The following STK3 variants were observed in gnomAD, a reference collection of about 807,000 sequenced individuals.
STK3 encodes serine/threonine-protein kinase 3.
Under a neutral mutation model 58.0 loss-of-function variants are expected in STK3, and 41 were observed. The observed-to-expected ratio is 0.71, with a 90% CI of 0.55 to 0.92. The LOEUF is 0.92. STK3 is among the 40% of genes least tolerant of loss of function. The probability of loss-of-function intolerance (pLI) is 0.00; values close to 1 mark genes in which losing one functional copy is unlikely to be tolerated. For missense variants in STK3, 479 were observed against 602.7 expected, an observed-to-expected ratio of 0.79 and a Z score of 2.15; for synonymous variants, 170 against 191.0, an observed-to-expected ratio of 0.89 and a Z score of 0.91.
intron 4 of STK3, among the ~76,000 whole-genome samples, chr8:98,732,741 A>T (rs1828304912): frequency 6.6e-6 from 1 of 152,220 alleles, no homozygotes; most frequent in Non-Finnish European, 1.5e-5. Context: ...ATAAGTCCAC[A>T]TTAGAACAAG....
chr8:98,865,471 A>G (rs763773965), intron 3 of STK3, among the ~76,000 whole-genome samples: 7 of 151,928 alleles, frequency 4.6e-5, no homozygotes, highest in Non-Finnish European at 8.8e-5. Flanking sequence ...GGCTTAAGCA[A>G]TCCTCCTGCC....
In STK3 at chr8:98,751,038, G is replaced by A. The variant is rs117862312; in HGVS notation, c.237-1648C>T. On this transcript the variant is annotated intron_variant, in intron 3 of 10. Coordinates refer to ENST00000419617, the MANE Select transcript of STK3 (RefSeq NM_006281.4). ...CTCAATAGATACAGAAAAGGCTTTC[G>A]ATAAAATCAGACATCCATTCATGTT... Among the ~76,000 whole-genome samples the A allele has an allele frequency of 1.6e-3, 251 of 152,152 alleles. 2 individuals carry two copies. In the East Asian group the frequency reaches 0.044, roughly 26 times the overall value.
At chr8:98,482,627 G>A (rs891558599) in intron 10 of STK3, among the ~76,000 whole-genome samples, 2 of 151,856 alleles carry the variant, frequency 1.3e-5, no homozygotes, top group African/African-American at 2.4e-5. Context: ...GAGACTCTAC[G>A]CATGACCTCT....
At chr8:98,632,917 T>C (rs1819364992) in intron 6 of STK3, among the ~76,000 whole-genome samples, 1 of 152,126 alleles carries the variant, frequency 6.6e-6, no homozygotes, top group Non-Finnish European at 1.5e-5. Flanking sequence ...TATTAAAAAA[T>C]GCAAATGAAA....
At chr8:98,716,895 A>G (rs572948021) in intron 4 of STK3, among the ~76,000 whole-genome samples, 1 of 152,296 alleles carries the variant, frequency 6.6e-6, no homozygotes, top group South Asian at 2.1e-4. Context: ...ATTTTCAACA[A>G]GAGTGTCAAG....
intron 6 of STK3, among the ~76,000 whole-genome samples, chr8:98,653,271 G>T (rs938711983): frequency 1.3e-5 from 2 of 152,020 alleles, no homozygotes; most frequent in African/African-American, 4.8e-5. Context: ...ATAAAGACGT[G>T]CTTTGAAACC....
In STK3 at chr8:98,429,365, G is replaced by T. The variant is rs774471813; in HGVS notation, n.483+4762C>A. ...CCCTTATGGCAAGCCTGACGAACAT[G>T]AGCAGGAGCTCACCAAGTGAACTCA... On this transcript the variant is annotated intron_variant and non_coding_transcript_variant, in intron 3 of 3. Transcript: ENST00000517832. 20 of 1,614,020 alleles carry T rather than the reference G, an allele frequency of 1.2e-5. No homozygotes were observed. The South Asian group carries it at 2.0e-4, about 16-fold the overall frequency.
rs77595902 is a variant in STK3, at chr8:98,591,774, G to A, written c.822+4258C>T. ...AAAGCAGGGTTGTGGTAAATTGGACGAACCAGATAAGTATATTGGCTTTTC... is the reference window on the plus strand; with the variant it reads ...AAAGCAGGGTTGTGGTAAATTGGACAAACCAGATAAGTATATTGGCTTTTC... On this transcript the variant is annotated intron_variant, in intron 7 of 10. Coordinates refer to ENST00000419617, the MANE Select transcript of STK3 (RefSeq NM_006281.4). Among the ~76,000 whole-genome samples the A allele has an allele frequency of 7.0e-4, 106 of 152,270 alleles. No individual in the cohort carries two copies. In the East Asian group the frequency reaches 0.019, roughly 28 times the overall value.
At chr8:98,408,758 G>A (rs1195457107) in intron 3 of STK3, among the ~76,000 whole-genome samples, 2 of 152,206 alleles carry the variant, frequency 1.3e-5, no homozygotes, top group South Asian at 2.1e-4. Context: ...GTGGGTTCCC[G>A]TTCTGCTTAG....
At chr8:98,503,704 G>C (rs1823812967) in intron 10 of STK3, among the ~76,000 whole-genome samples, 1 of 152,206 alleles carries the variant, frequency 6.6e-6, no homozygotes, top group African/African-American at 2.4e-5. Context: ...CTGTGTAGTT[G>C]TGCAGTTTTG....
intron 1 of STK3, among the ~76,000 whole-genome samples, chr8:98,793,230 T>G (rs1205043252): frequency 2.0e-5 from 3 of 152,048 alleles, no homozygotes; most frequent in Non-Finnish European, 4.4e-5. Context: ...GTACAGTGTA[T>G]ACTGCTCAGG....
At chr8:98,413,849 C>T in intron 3 of STK3, 5 of 552,506 alleles carry the variant, frequency 9.0e-6, no homozygotes, top group South Asian at 8.7e-5. Flanking sequence ...CCGCCCAAGC[C>T]AGTAATGGTG....
intron 10 of STK3, among the ~76,000 whole-genome samples, chr8:98,478,410 C>T (rs1027147087): frequency 1.5e-4 from 23 of 152,214 alleles, no homozygotes; most frequent in African/African-American, 3.6e-4. Context: ...CCATCGAGTT[C>T]GCCTCCCGAG....
intron 3 of STK3, among the ~76,000 whole-genome samples, chr8:98,754,609 G>A (rs553557429): frequency 2.0e-5 from 3 of 151,812 alleles, no homozygotes; most frequent in Admixed American, 1.3e-4. Context: ...TCCTGGGTTC[G>A]AGTGATTCTC....
At chr8:98,656,317 A>G (rs959850101) in intron 6 of STK3, among the ~76,000 whole-genome samples, 2 of 151,754 alleles carry the variant, frequency 1.3e-5, no homozygotes, top group East Asian at 3.9e-4. Context: ...GGGGAACATC[A>G]CACTCTGGGG....
chr8:98,659,862 TA>T (rs1416607615), intron 6 of STK3, among the ~76,000 whole-genome samples: 1 of 151,184 alleles, frequency 6.6e-6, no homozygotes, highest in Non-Finnish European at 1.5e-5. Flanking sequence ...GGAAGTAGCT[TA>T]AAAAAACAAA....
At chr8:98,825,904 G>T (rs1835269658), upstream of STK3, among the ~76,000 whole-genome samples, 2 of 144,710 alleles carry the variant, frequency 1.4e-5, no homozygotes, top group South Asian at 4.3e-4. Context: ...TGCGGCGGCG[G>T]CCCAGAGAAG....
At chr8:98,366,219 C>G in the STK3 span, among the ~76,000 whole-genome samples, 20 of 152,202 alleles carry the variant, frequency 1.3e-4, no homozygotes, top group Non-Finnish European at 4.4e-5. Flanking sequence ...ACCAAATACT[C>G]TCACTTACTG....
chr8:98,535,744 A>G (rs765507262), intron 9 of STK3, among the ~76,000 whole-genome samples: 3 of 152,214 alleles, frequency 2.0e-5, no homozygotes, highest in Admixed American at 6.5e-5. Context: ...CTACATATTA[A>G]GAGTAGCAGC....
Sources: gnomAD v4.1 joint callset for allele counts (sites outside exome capture counted in the v4.1 genomes callset) on GRCh38, gnomAD v4.1.1 for gene constraint, MANE v1.5 for transcripts, NCBI Gene and HGNC (gene_info 2026-07-23, HGNC 2026-07-21) for gene names.